Variants in RAI14 observed in about 807,000 individuals in gnomAD.
RAI14 encodes the protein ankycorbin.
Under a neutral mutation model 115.4 loss-of-function variants are expected in RAI14, and 45 were observed. The observed-to-expected ratio is 0.39, with a 90% CI of 0.31 to 0.50. The LOEUF is 0.50. Among genes scored for constraint, RAI14 ranks in the 20% least tolerant of loss-of-function variants. RAI14 has a pLI of 0.85. For missense variants in RAI14, 939 were observed against 1,131.2 expected, an observed-to-expected ratio of 0.83 and a Z score of 2.44; for synonymous variants, 371 against 415.4, an observed-to-expected ratio of 0.89 and a Z score of 1.30.
At chr5:34,734,936 G>A (rs1744677238) in intron 2 of RAI14, among the ~76,000 whole-genome samples, 1 of 152,128 alleles carries the variant, frequency 6.6e-6, no homozygotes, top group Admixed American at 6.5e-5. Flanking sequence ...TGGGATTACA[G>A]GTGTGAGCCA....
chr5:34,753,290 T>C (rs185807522), intron 2 of RAI14, among the ~76,000 whole-genome samples: 1 of 152,298 alleles, frequency 6.6e-6, no homozygotes. Context: ...AATTTCAAAC[T>C]TTACCTATTT....
At chr5:34,821,891 C>T in intron 14 of RAI14, 41 bp downstream of exon 14, 1 of 1,145,890 alleles carries the variant, frequency 8.7e-7, no homozygotes, top group Non-Finnish European at 1.3e-6. Context: ...TCTGTAGAGT[C>T]AAGCTCTTGG....
intron 3 of RAI14, among the ~76,000 whole-genome samples, chr5:34,782,219 T>G (rs559519856): frequency 6.6e-6 from 1 of 152,248 alleles, no homozygotes; most frequent in South Asian, 2.1e-4. Context: ...TTATGGCTAG[T>G]TTTGGGGCCA....
chr5:34,707,293 C>T (rs1197234630), intron 2 of RAI14, among the ~76,000 whole-genome samples: 1 of 152,164 alleles, frequency 6.6e-6, no homozygotes, highest in Non-Finnish European at 1.5e-5. Context: ...ATGGTAAAAC[C>T]ACATCTCTAC....
At chr5:34,782,927 G>T (rs1195523734) in intron 3 of RAI14, among the ~76,000 whole-genome samples, 1 of 152,128 alleles carries the variant, frequency 6.6e-6, no homozygotes, top group East Asian at 1.9e-4. Flanking sequence ...TCCCAAACAG[G>T]TACGTTCATT....
chr5:34,741,923 A>G (rs187687210), intron 2 of RAI14, among the ~76,000 whole-genome samples: 10 of 152,326 alleles, frequency 6.6e-5, no homozygotes, highest in Admixed American at 3.3e-4. Flanking sequence ...TGAAGAATCC[A>G]CACGTGTCAT....
intron 3 of RAI14, among the ~76,000 whole-genome samples, chr5:34,777,605 C>G (rs1751029602): frequency 6.6e-6 from 1 of 152,092 alleles, no homozygotes; most frequent in African/African-American, 2.4e-5. Context: ...CATGGTGAAA[C>G]TCTGTCTCTA....
intron 2 of RAI14, among the ~76,000 whole-genome samples, chr5:34,697,227 G>A (rs1214150034): frequency 3.3e-5 from 5 of 151,780 alleles, no homozygotes; most frequent in South Asian, 4.2e-4. Flanking sequence ...ACCTGAGGTC[G>A]GGAGTTCGAG....
chr5:34,768,963 T>C (rs1437768047), intron 3 of RAI14, among the ~76,000 whole-genome samples: 1 of 151,098 alleles, frequency 6.6e-6, no homozygotes, highest in Non-Finnish European at 1.5e-5. Flanking sequence ...CACTCCAGCT[T>C]GGATGACAGA....
chr5:34,697,826 A>G (rs1739456916), intron 2 of RAI14, among the ~76,000 whole-genome samples: 3 of 152,210 alleles, frequency 2.0e-5, no homozygotes, highest in African/African-American at 4.8e-5. Context: ...CTGAACCTAC[A>G]TGACATCTGA....
chr5:34,732,746 C>CAT (rs1264400392), intron 2 of RAI14, among the ~76,000 whole-genome samples: 1 of 147,630 alleles, frequency 6.8e-6, no homozygotes, highest in African/African-American at 2.5e-5. Context: ...ATTTAAAAGT[C>CAT]ATATATATGT....
In RAI14 at chr5:34,772,544, G is replaced by A. The variant is rs114384153; in HGVS notation, c.167+14946G>A. Among the ~76,000 whole-genome samples the A allele has an allele frequency of 3.9e-3, 594 of 152,302 alleles. 6 individuals carry two copies. The highest frequency in any genetic ancestry group is 0.014 in the African/African-American group (568 of 41,562). On this transcript the variant is annotated intron_variant, in intron 3 of 17. Transcript: ENST00000265109. ...ACTTAAGATGTTCCTAGAGTGTAAT[G>A]TTTCCATAGAGTACCTGCTATTATT...
chr5:34,799,471 A>G (rs893612875), intron 4 of RAI14, among the ~76,000 whole-genome samples: 4 of 150,000 alleles, frequency 2.7e-5, no homozygotes, highest in African/African-American at 9.9e-5. Flanking sequence ...AGAATTTTTG[A>G]AAAAAACAAA....
At chr5:34,677,922 T>C (rs113313562) in intron 1 of RAI14, among the ~76,000 whole-genome samples, 18 of 152,316 alleles carry the variant, frequency 1.2e-4, no homozygotes, top group African/African-American at 4.3e-4. Flanking sequence ...TAAAAAGTTG[T>C]AATTTGATTT....
In RAI14 at chr5:34,783,426, C is replaced by T. The variant is rs187611387; in HGVS notation, c.168-12513C>T. On this transcript the variant is annotated intron_variant, in intron 3 of 17. Transcript: ENST00000265109. ...AAGGTTTCAGGTATCTTGATGGTATCCAAATTGGCTGCTGGTTCTGGCCTG... is the reference window on the plus strand; with the variant it reads ...AAGGTTTCAGGTATCTTGATGGTATTCAAATTGGCTGCTGGTTCTGGCCTG... Among the ~76,000 whole-genome samples, 186 of 152,256 alleles carry T rather than the reference C, an allele frequency of 1.2e-3. 1 individual carries two copies. Among genetic ancestry groups the T allele is most frequent in the African/African-American group, 4.1e-3 (169 of 41,552 alleles).
At chr5:34,740,043 A>T (rs1289574800) in intron 2 of RAI14, among the ~76,000 whole-genome samples, 1 of 151,982 alleles carries the variant, frequency 6.6e-6, no homozygotes, top group Non-Finnish European at 1.5e-5. Context: ...ACAGAGCAAG[A>T]CTCTGTCTCA....
At chr5:34,793,281 A>G (rs1753140873) in intron 3 of RAI14, among the ~76,000 whole-genome samples, 1 of 152,236 alleles carries the variant, frequency 6.6e-6, no homozygotes, top group African/African-American at 2.4e-5. Context: ...AGAATATCAT[A>G]ACACGTTCAT....
At chr5:34,683,805 G>C (rs141317164) in intron 1 of RAI14, among the ~76,000 whole-genome samples, 6,539 of 151,672 alleles carry the variant, frequency 0.043, 437 homozygotes, top group African/African-American at 0.15. Flanking sequence ...TCGGCTCACT[G>C]CAAGCTCCGC....
chr5:34,829,975 C>A, intron 17 of RAI14, 178 bp downstream of exon 17: 1 of 552,658 alleles, frequency 1.8e-6, no homozygotes. Context: ...AGCCTTGTGC[C>A]CTGTTTACCA....
Sources: allele counts gnomAD v4.1 joint callset (sites outside exome capture counted in the v4.1 genomes callset), GRCh38; gene constraint gnomAD v4.1.1; transcripts MANE v1.5; gene names NCBI Gene and HGNC (gene_info 2026-07-23, HGNC 2026-07-21).